GABRB1: variants seen among roughly 807,000 people sequenced by gnomAD.
The protein encoded by GABRB1 is gamma-aminobutyric acid receptor subunit beta-1.
In GABRB1, 17 loss-of-function variants were observed where a neutral mutation model predicts 51.6. That is an observed-to-expected ratio of 0.33 (90% CI 0.23 to 0.49). The LOEUF (loss-of-function observed/expected upper bound fraction) is 0.49. Among genes scored for constraint, GABRB1 ranks in the 20% least tolerant of loss-of-function variants. The pLI is 0.99. For synonymous variants in GABRB1, 247 were observed against 218.9 expected (o/e 1.13, Z -1.14); for missense variants, 410 against 600.6 (o/e 0.68, Z 3.32).
At chr4:47,060,216 T>C (rs1726788327) in intron 3 of GABRB1, among the ~76,000 whole-genome samples, 1 of 152,178 alleles carries the variant, frequency 6.6e-6, no homozygotes, top group Non-Finnish European at 1.5e-5. Flanking sequence ...ATGTGCTTTA[T>C]ATAGGTGACA....
intron 5 of GABRB1, among the ~76,000 whole-genome samples, chr4:47,350,770 A>C (rs1726298353): frequency 6.6e-6 from 1 of 152,164 alleles, no homozygotes; most frequent in African/African-American, 2.4e-5. Flanking sequence ...CGATGCAAAC[A>C]AATCAACTCT....
chr4:47,114,767 A>C (rs1436625179), intron 3 of GABRB1, among the ~76,000 whole-genome samples: 1 of 152,226 alleles, frequency 6.6e-6, no homozygotes, highest in African/African-American at 2.4e-5. Context: ...GGCCCAGTGC[A>C]AAATGAAAAT....
At chr4:47,243,281 T>C (rs1043439856) in intron 4 of GABRB1, among the ~76,000 whole-genome samples, 2 of 152,218 alleles carry the variant, frequency 1.3e-5, no homozygotes, top group African/African-American at 4.8e-5. Context: ...GCTGTTTTGG[T>C]TACTGTAGGC....
intron 4 of GABRB1, among the ~76,000 whole-genome samples, chr4:47,232,961 G>A (rs1298608866): frequency 1.3e-5 from 2 of 149,568 alleles, no homozygotes; most frequent in African/African-American, 2.5e-5. Context: ...TGCAACCTCC[G>A]CCTCCTGGGT....
chr4:47,123,412 A>G (rs1200311079), intron 3 of GABRB1, among the ~76,000 whole-genome samples: 17 of 120,616 alleles, frequency 1.4e-4, no homozygotes, highest in African/African-American at 5.4e-4. Context: ...ATACATATAT[A>G]CACATATATA....
chr4:47,223,537 A>G (rs1320187939), intron 4 of GABRB1, among the ~76,000 whole-genome samples: 2 of 152,124 alleles, frequency 1.3e-5, no homozygotes, highest in African/African-American at 4.8e-5. Context: ...TGACAATTAT[A>G]AATCATTACA....
At chr4:47,322,214 C>G (rs963958524) in intron 5 of GABRB1, among the ~76,000 whole-genome samples, 1 of 152,096 alleles carries the variant, frequency 6.6e-6, no homozygotes, top group Non-Finnish European at 1.5e-5. Context: ...AGGCATATGA[C>G]AATCATTGAG....
At chr4:47,054,405 C>A (rs1435274403) in intron 3 of GABRB1, among the ~76,000 whole-genome samples, 1 of 152,148 alleles carries the variant, frequency 6.6e-6, no homozygotes, top group Admixed American at 6.5e-5. Flanking sequence ...CTTAGACTCA[C>A]TTCTTTTTTT....
intron 3 of GABRB1, among the ~76,000 whole-genome samples, chr4:47,033,805 A>C (rs992053666): frequency 6.6e-6 from 1 of 152,238 alleles, no homozygotes; most frequent in African/African-American, 2.4e-5. Context: ...TAACGTATTT[A>C]AAATACTATT....
chr4:47,029,870 C>G (rs376365861), upstream of GABRB1, among the ~76,000 whole-genome samples: 1 of 151,926 alleles, frequency 6.6e-6, no homozygotes, highest in Non-Finnish European at 1.5e-5. Context: ...GCTTTTTATC[C>G]CTACATGAAT....
intron 4 of GABRB1, among the ~76,000 whole-genome samples, chr4:47,296,799 A>C (rs1724018149): frequency 1.3e-5 from 2 of 152,148 alleles, no homozygotes; most frequent in Non-Finnish European, 2.9e-5. Context: ...AAATCAACAG[A>C]ATATACATTT....
intron 3 of GABRB1, among the ~76,000 whole-genome samples, chr4:47,128,056 G>T (rs973095115): frequency 6.6e-6 from 1 of 151,652 alleles, no homozygotes; most frequent in Non-Finnish European, 1.5e-5. Context: ...GAATATTCCA[G>T]TGAAAAGGCA....
chr4:47,126,568 A>G (rs940937710), intron 3 of GABRB1, among the ~76,000 whole-genome samples: 5 of 152,160 alleles, frequency 3.3e-5, no homozygotes, highest in African/African-American at 1.2e-4. Context: ...ACACCTCAAC[A>G]AAGCTAGAAA....
intron 3 of GABRB1, among the ~76,000 whole-genome samples, chr4:47,118,552 T>A (rs546330811): frequency 1.3e-5 from 2 of 152,202 alleles, no homozygotes; most frequent in African/African-American, 4.8e-5. Flanking sequence ...AGAAAATGCC[T>A]TTCCAGGATA....
intron 5 of GABRB1, among the ~76,000 whole-genome samples, chr4:47,321,421 A>C (rs1725083799): frequency 6.6e-6 from 1 of 152,188 alleles, no homozygotes; most frequent in Non-Finnish European, 1.5e-5. Flanking sequence ...TTGACCTACT[A>C]CCACTAAAAC....
chr4:47,325,276 G>C (rs538051069), intron 5 of GABRB1, among the ~76,000 whole-genome samples: 1 of 151,888 alleles, frequency 6.6e-6, no homozygotes, highest in Non-Finnish European at 1.5e-5. Flanking sequence ...TTCTACTAAA[G>C]ATACAAAAAT....
chr4:47,000,583 T>C (rs1012308534), intron 1 of GABRB1, among the ~76,000 whole-genome samples: 1 of 152,182 alleles, frequency 6.6e-6, no homozygotes, highest in Non-Finnish European at 1.5e-5. Flanking sequence ...TGCAGTTAGA[T>C]AGTGGCTGGG....
At chr4:47,418,158 T>C (rs1238880305) in intron 8 of GABRB1, among the ~76,000 whole-genome samples, 1 of 152,250 alleles carries the variant, frequency 6.6e-6, no homozygotes, top group African/African-American at 2.4e-5. Context: ...TTGGCATGGC[T>C]TTTGTATCAG....
At chr4:47,049,943 T>G (rs1204517769) in intron 3 of GABRB1, among the ~76,000 whole-genome samples, 1 of 152,222 alleles carries the variant, frequency 6.6e-6, no homozygotes, top group East Asian at 1.9e-4. Flanking sequence ...TTTTTGGTAG[T>G]ACATAAATAA....
Sources: allele counts gnomAD v4.1 joint callset (sites outside exome capture counted in the v4.1 genomes callset), GRCh38; gene constraint gnomAD v4.1.1; transcripts MANE v1.5; gene names NCBI Gene and HGNC (gene_info 2026-07-23, HGNC 2026-07-21).